Variants in RIMBP2 observed in about 807,000 individuals in gnomAD.
The protein encoded by RIMBP2 is RIMS-binding protein 2.
Under a neutral mutation model 118.6 loss-of-function variants are expected in RIMBP2, and 48 were observed. That is an observed-to-expected ratio of 0.40 (90% CI 0.32 to 0.51). The LOEUF is 0.51. Ranked by LOEUF, RIMBP2 falls within the 20% of genes least tolerant of loss-of-function variation. The pLI, the probability that RIMBP2 is intolerant of heterozygous loss-of-function variation, is 0.41. For missense variants in RIMBP2, 1,551 were observed against 1,768.3 expected (o/e 0.88, Z 2.20); for synonymous variants, 762 against 742.9 (o/e 1.03, Z -0.42).
chr12:130,492,087 A>T lies in RIMBP2; in HGVS notation c.-3-13071T>A, dbSNP rs73446569. 6.7e-3 allele frequency among the ~76,000 whole-genome samples: 1,020 copies of T among 152,274 alleles called. 14 individuals carry two copies. The highest frequency in any genetic ancestry group is 0.023 in the African/African-American group (971 of 41,548). On this transcript the variant is annotated intron_variant, in intron 4 of 22. Coordinates refer to ENST00000690449, the MANE Select transcript of RIMBP2 (RefSeq NM_001393629.1). ...AAATTAAGGAAAAACCAATTTCCCC[A>T]AATAGGAGCTAACGGTGACACTTTG...
chr12:130,451,783 C>T (rs1325689197), intron 7 of RIMBP2, among the ~76,000 whole-genome samples: 1 of 152,004 alleles, frequency 6.6e-6, no homozygotes, highest in African/African-American at 2.4e-5. Context: ...GGCTTGGAGC[C>T]CCTGGTTCAA....
At chr12:130,712,796 G>A (rs899288512) in intron 1 of RIMBP2, among the ~76,000 whole-genome samples, 7 of 152,116 alleles carry the variant, frequency 4.6e-5, no homozygotes, top group South Asian at 4.1e-4. Context: ...CCACACCATC[G>A]TCACTAAACA....
rs1410415241 is a variant in RIMBP2, at chr12:130,442,960, A to C, written c.692-300T>G. On this transcript the variant is annotated intron_variant, in intron 10 of 22. Coordinates refer to ENST00000690449, the MANE Select transcript of RIMBP2 (RefSeq NM_001393629.1). This position sits in a 1 kb window ranked among gnomAD's most constrained non-coding sequence, Gnocchi z 6.9. ...ACTACCCCCTCCCAACACGAACAAC[A>C]CTCAGGGACAGCAGGGACCACACGA... 6.6e-6 allele frequency among the ~76,000 whole-genome samples: 1 copy of C among 152,118 alleles called. No individual in the cohort carries two copies. Among genetic ancestry groups the C allele is most frequent in the African/African-American group, 2.4e-5 (1 of 41,416 alleles).
intron 2 of RIMBP2, among the ~76,000 whole-genome samples, chr12:130,549,863 G>A (rs2055564929): frequency 6.6e-6 from 1 of 151,980 alleles, no homozygotes; most frequent in African/African-American, 2.4e-5. Context: ...CATTCCTCTG[G>A]GTATATATCC....
At chr12:130,608,727 A>T (rs2140536055) in intron 2 of RIMBP2, among the ~76,000 whole-genome samples, 1 of 152,346 alleles carries the variant, frequency 6.6e-6, no homozygotes, top group African/African-American at 2.4e-5. Flanking sequence ...TGACATATAC[A>T]TACCTTGTGG....
chr12:130,493,059 C>T (rs988939332), intron 4 of RIMBP2, among the ~76,000 whole-genome samples: 6 of 152,056 alleles, frequency 3.9e-5, no homozygotes, highest in Admixed American at 6.5e-5. Flanking sequence ...ATGGCTTGGG[C>T]GCAGGAGGCG....
chr12:130,460,996 C>T (rs759820476), intron 6 of RIMBP2, among the ~76,000 whole-genome samples: 9 of 152,176 alleles, frequency 5.9e-5, no homozygotes, highest in Non-Finnish European at 1.0e-4. Flanking sequence ...CACCTCCTCC[C>T]GGAGGGTGTT....
intron 1 of RIMBP2, chr12:130,667,739 G>C (rs2064016804): frequency 6.6e-6 from 1 of 152,242 alleles, no homozygotes; most frequent in Admixed American, 6.5e-5. Flanking sequence ...GCGGGGGCTG[G>C]AGCTGGAGTT....
At chr12:130,404,965 A>T (rs1276962130) in intron 21 of RIMBP2, among the ~76,000 whole-genome samples, 4 of 152,200 alleles carry the variant, frequency 2.6e-5, no homozygotes, top group African/African-American at 9.6e-5. Flanking sequence ...TTTTTAAAGT[A>T]GGGAAAGTGC....
rs539381901 is a variant in RIMBP2, at chr12:130,597,893, A to G, written c.-217+30429T>C. 1.6e-4 allele frequency among the ~76,000 whole-genome samples: 24 copies of G among 152,368 alleles called. No homozygotes were observed. The South Asian group carries it at 5.0e-3, about 32-fold the overall frequency. On this transcript the variant is annotated intron_variant, in intron 2 of 22. Transcript: ENST00000690449. ...TACTGGAGATTTAAGCCAATGCAATATGACAAGAATGAGAAATAGACAGCA... is the reference window on the plus strand; with the variant it reads ...TACTGGAGATTTAAGCCAATGCAATGTGACAAGAATGAGAAATAGACAGCA...
chr12:130,711,093 C>T (rs1395178912), intron 1 of RIMBP2, among the ~76,000 whole-genome samples: 1 of 152,166 alleles, frequency 6.6e-6, no homozygotes, highest in Non-Finnish European at 1.5e-5. Context: ...AAATACAAAA[C>T]TTAGCCGGGC....
rs2065965160 is a variant in RIMBP2, at chr12:130,703,657, C to T, written c.-352+12565G>A. On this transcript the variant is annotated intron_variant, in intron 1 of 22. Transcript: ENST00000690449. The surrounding 1 kb of genome is among the most constrained non-coding windows in gnomAD (Gnocchi z 5.7). ...CCGCCTAACCCTGATTAGCGCTCTA[C>T]ATCACCCACCGCTCAGCCTCCCCTG... 1.3e-5 allele frequency among the ~76,000 whole-genome samples: 2 copies of T among 152,236 alleles called. No individual in the cohort carries two copies. The highest frequency in any genetic ancestry group is 6.5e-5 in the Admixed American group (1 of 15,286).
At chr12:130,535,752 T>TATAC in intron 2 of RIMBP2, among the ~76,000 whole-genome samples, 2 of 54,912 alleles carry the variant, frequency 3.6e-5, no homozygotes, top group East Asian at 2.1e-3. Context: ...TATATATATA[T>TATAC]ATATATATAT....
At chr12:130,438,328 C>G in intron 12 of RIMBP2, 37 bp downstream of exon 12, 1 of 1,468,148 alleles carries the variant, frequency 6.8e-7, no homozygotes, top group Non-Finnish European at 9.5e-7. Context: ...GCGTTAGGGC[C>G]TAACAAACCC....
chr12:130,580,935 GTGTGTGTGTGTGTTTGTT>G (rs1205696180), intron 2 of RIMBP2, among the ~76,000 whole-genome samples: 3 of 151,526 alleles, frequency 2.0e-5, no homozygotes, highest in Admixed American at 6.6e-5. Context: ...TGGTGTGTGT[GTGTGTGTGTGTGTTTGTT>G]TGTGTGTGTG....
In RIMBP2 at chr12:130,550,083, C is replaced by T. The variant is rs113144580; in HGVS notation, c.-216-32166G>A. 1.2e-4 allele frequency among the ~76,000 whole-genome samples: 18 copies of T among 152,222 alleles called. No homozygotes were observed. The South Asian group carries it at 2.3e-3, about 19-fold the overall frequency. On this transcript the variant is annotated intron_variant, in intron 2 of 22. Coordinates refer to ENST00000690449, the MANE Select transcript of RIMBP2 (RefSeq NM_001393629.1). ...GCGAGATTGTATCTCACTGAGTACA[C>T]GCTGTTGATGTAATTCAAGTACTTC... is the stretch of plus-strand genomic sequence containing the variant.
intron 1 of RIMBP2, among the ~76,000 whole-genome samples, chr12:130,646,000 G>A (rs960040715): frequency 6.6e-5 from 10 of 152,014 alleles, no homozygotes; most frequent in African/African-American, 1.9e-4. Flanking sequence ...AACACTTTGC[G>A]TTTCACCCAA....
intron 3 of RIMBP2, among the ~76,000 whole-genome samples, chr12:130,514,065 G>A (rs562568022): frequency 1.8e-4 from 27 of 152,276 alleles, no homozygotes; most frequent in Admixed American, 9.2e-4. Flanking sequence ...CAGTCTCTGG[G>A]GACTGCCACT....
intron 1 of RIMBP2, among the ~76,000 whole-genome samples, chr12:130,689,823 C>A (rs952647430): frequency 1.3e-5 from 2 of 152,158 alleles, no homozygotes; most frequent in African/African-American, 4.8e-5. Flanking sequence ...GCTTAAACAG[C>A]CCCATGTGTT....
Sources: allele counts gnomAD v4.1 joint callset (sites outside exome capture counted in the v4.1 genomes callset), GRCh38; gene constraint gnomAD v4.1.1; non-coding constraint Gnocchi (gnomAD v3.1); transcripts MANE v1.5; gene names NCBI Gene and HGNC (gene_info 2026-07-23, HGNC 2026-07-21).